Variants in SLC35A3 observed in about 807,000 individuals in gnomAD.
SLC35A3 encodes the protein UDP-N-acetylglucosamine transporter.
In SLC35A3, 26 loss-of-function variants were observed where a neutral mutation model predicts 39.0. The observed-to-expected ratio is 0.67, with a 90% CI of 0.49 to 0.92. The LOEUF (loss-of-function observed/expected upper bound fraction) is 0.92, where lower values mean the gene tolerates loss of function less well. Ranked by LOEUF, SLC35A3 falls within the 40% of genes least tolerant of loss-of-function variation. The pLI, the probability that SLC35A3 is intolerant of heterozygous loss-of-function variation, is 0.00. For missense variants in SLC35A3, 299 were observed against 371.6 expected (o/e 0.80, Z 1.61); for synonymous variants, 135 against 133.1 (o/e 1.01, Z -0.10).
rs1175990572 is a variant in SLC35A3, at chr1:100,027,028, A to C, written c.*4552A>C. 5.1e-6 allele frequency: 2 copies of C among 395,760 alleles called. No homozygotes were observed. Among genetic ancestry groups the C allele is most frequent in the Non-Finnish European group, 8.9e-6 (2 of 224,880 alleles). 24.5% of individuals were successfully genotyped at this position (395,760 alleles called of 1,614,324 possible). ...TCCTATTTACCTGTGTCTATGACCT[A>C]ACCTATGAATTAGTCTTCTCTCTTT... On this transcript the variant is annotated 3_prime_UTR_variant, in exon 8 of 8. Transcript: ENST00000533028.
chr1:99,989,270 CTTTG>C (rs963784435), intron 1 of SLC35A3, among the ~76,000 whole-genome samples: 11 of 151,650 alleles, frequency 7.3e-5, no homozygotes, highest in African/African-American at 1.9e-4. Context: ...GATAAAATAT[CTTTG>C]TTTTTTTGTT....
chr1:99,982,527 A>G (rs72728112), intron 1 of SLC35A3, among the ~76,000 whole-genome samples: 4,852 of 152,284 alleles, frequency 0.032, 127 homozygotes, highest in Middle Eastern at 0.054. Flanking sequence ...TAGTTGGCTG[A>G]TAAAACTTTG....
At chr1:100,007,862 G>A (rs1303973843) in intron 4 of SLC35A3, 1 of 151,586 alleles carries the variant, frequency 6.6e-6, no homozygotes, top group Non-Finnish European at 1.5e-5. Flanking sequence ...TGTTCTGATG[G>A]AAGGTTTTTT....
chr1:100,022,343 TA>T, intron 7 of SLC35A3, 42 bp from the exon 8 acceptor site: 1 of 1,077,106 alleles, frequency 9.3e-7, no homozygotes, highest in Non-Finnish European at 1.4e-6. Context: ...GTTCTGCTTT[TA>T]ATCTGATTTT....
intron 1 of SLC35A3, among the ~76,000 whole-genome samples, chr1:99,977,180 A>G (rs1657155800): frequency 6.6e-6 from 1 of 151,840 alleles, no homozygotes; most frequent in African/African-American, 2.4e-5. Context: ...TTACCCTTCT[A>G]TGCTTTATTT....
At chr1:100,006,619 C>A (rs1330221446) in intron 3 of SLC35A3, among the ~76,000 whole-genome samples, 1 of 152,086 alleles carries the variant, frequency 6.6e-6, no homozygotes, top group Admixed American at 6.5e-5. Context: ...GTTTTCAAGT[C>A]CCTGGAGGCC....
intron 2 of SLC35A3, among the ~76,000 whole-genome samples, chr1:99,996,945 T>C (rs1658432969): frequency 6.6e-6 from 1 of 152,096 alleles, no homozygotes. Flanking sequence ...AGTATCATTA[T>C]TGGTAAATAA....
intron 5 of SLC35A3, among the ~76,000 whole-genome samples, chr1:100,011,941 A>G (rs1391515458): frequency 6.6e-6 from 1 of 151,770 alleles, no homozygotes; most frequent in African/African-American, 2.4e-5. Context: ...GATGGTCTCA[A>G]TTTCTTGACC....
chr1:99,979,593 C>A lies in SLC35A3; in HGVS notation c.-19+9431C>A, dbSNP rs1216600438. On this transcript the variant is annotated intron_variant, in intron 1 of 7. Transcript: ENST00000533028. ...GGACTACAGGCGCCCGCCACCACGC[C>A]CGGCTAATTTTTTATATTTTTAGTA... 2.0e-5 allele frequency among the ~76,000 whole-genome samples: 3 copies of A among 151,542 alleles called. No homozygotes were observed. In the East Asian group the frequency reaches 5.9e-4, roughly 30 times the overall value.
At chr1:100,005,240 T>C (rs1489656339) in intron 3 of SLC35A3, among the ~76,000 whole-genome samples, 1 of 152,198 alleles carries the variant, frequency 6.6e-6, no homozygotes, top group East Asian at 1.9e-4. Flanking sequence ...TCTCTTGCTG[T>C]TTTTAGGGTT....
chr1:100,033,388 C>T lies in SLC35A3; in HGVS notation c.*10912C>T, dbSNP rs1638981543. The T allele has an allele frequency of 1.4e-5, 2 of 147,942 alleles. No homozygotes were observed. The highest frequency in any genetic ancestry group is 5.0e-5 in the African/African-American group (2 of 40,344). 9.2% of individuals were successfully genotyped at this position (147,942 alleles called of 1,614,324 possible). A position where few individuals can be genotyped will look rare whatever the true frequency, so the allele number is the denominator to read the frequency against. On this transcript the variant is annotated 3_prime_UTR_variant, in exon 8 of 8. Coordinates refer to ENST00000533028, the MANE Select transcript of SLC35A3 (RefSeq NM_012243.3). ...TCATACCTATCCCTCCATTCCTAAC[C>T]ATCTCTTATAAGTAATTATTATCCA...
intron 4 of SLC35A3, chr1:100,009,495 G>A (rs543492602): frequency 6.6e-6 from 1 of 152,384 alleles, no homozygotes; most frequent in South Asian, 2.1e-4. Context: ...TGAGCCAGGA[G>A]CTTAGGCTTG....
chr1:99,973,408 A>T (rs1656926968), intron 1 of SLC35A3, among the ~76,000 whole-genome samples: 1 of 152,208 alleles, frequency 6.6e-6, no homozygotes, highest in Non-Finnish European at 1.5e-5. Flanking sequence ...AGTATGTTCA[A>T]CTTAATTATC....
At chr1:99,971,647 A>C (rs6669548) in intron 1 of SLC35A3, among the ~76,000 whole-genome samples, 10,125 of 152,084 alleles carry the variant, frequency 0.067, 449 homozygotes, top group African/African-American at 0.13. Context: ...TTAAACAAGT[A>C]TTACTTTTTT....
At position 100,035,079 on chromosome 1, in the gene SLC35A3, G is replaced by C. The variant is rs183259030; in HGVS notation, c.*12603G>C. The stretch of plus-strand genomic sequence containing the variant: ...TGAATACGGTCATCCCTCCATATGA[G>C]GAGGGGAGTGGGAATTGGTTGTGGG... On this transcript the variant is annotated 3_prime_UTR_variant, in exon 8 of 8. Transcript: ENST00000533028. 6.6e-5 allele frequency: 10 copies of C among 152,226 alleles called. No individual in the cohort carries two copies. The highest frequency in any genetic ancestry group is 5.2e-4 in the Admixed American group (8 of 15,292). The allele number at this position is 152,226 out of a possible 1,614,324, so 9.4% of individuals were successfully genotyped here.
chr1:100,027,757 A>G lies in SLC35A3; in HGVS notation c.*5281A>G, dbSNP rs544696395. ...CAAAATACTTTGTAAAAAAATCACT[A>G]AAGTGCCAGCATTTTTAAAGTGTAT... On this transcript the variant is annotated 3_prime_UTR_variant, in exon 8 of 8. Coordinates refer to ENST00000533028, the MANE Select transcript of SLC35A3 (RefSeq NM_012243.3). 1.3e-5 allele frequency: 2 copies of G among 152,134 alleles called. No individual in the cohort carries two copies. The highest frequency in any genetic ancestry group is 4.8e-5 in the African/African-American group (2 of 41,426). 9.4% of individuals were successfully genotyped at this position (152,134 alleles called of 1,614,324 possible).
At chr1:99,999,489 G>A (rs947519159) in intron 3 of SLC35A3, 74 bp downstream of exon 3, 3 of 949,680 alleles carry the variant, frequency 3.2e-6, no homozygotes, top group African/African-American at 1.7e-5. Flanking sequence ...TATTTATGGG[G>A]TACATGTGGT....
chr1:100,006,906 C>A, intron 3 of SLC35A3, 128 bp from the exon 4 acceptor site: 1 of 1,076,486 alleles, frequency 9.3e-7, no homozygotes, highest in South Asian at 1.9e-5. Context: ...GCTTTAGATT[C>A]CAGTTCCCAG....
At chr1:99,972,460 C>T (rs979107067) in intron 1 of SLC35A3, among the ~76,000 whole-genome samples, 3 of 151,054 alleles carry the variant, frequency 2.0e-5, no homozygotes, top group Admixed American at 1.3e-4. Context: ...CTCAGCCTCT[C>T]GAGTAGCTGG....
Sources: allele counts gnomAD v4.1 joint callset (sites outside exome capture counted in the v4.1 genomes callset), GRCh38; gene constraint gnomAD v4.1.1; transcripts MANE v1.5; gene names NCBI Gene and HGNC (gene_info 2026-07-23, HGNC 2026-07-21).